The following PKIB variants were observed in gnomAD, a reference collection of about 807,000 sequenced individuals.
PKIB encodes PKI-beta.
A neutral mutation model predicts 4.5 loss-of-function variants in PKIB; 2 were observed. The observed-to-expected ratio is 0.44, with a 90% CI of 0.18 to 1.39. The LOEUF is 1.39. Among genes scored for constraint, PKIB ranks in the 40% most tolerant of loss-of-function variants. The pLI, the probability that PKIB is intolerant of heterozygous loss-of-function variation, is 0.27. For missense variants in PKIB, 94 were observed against 92.6 expected (o/e 1.02, Z -0.06); for synonymous variants, 38 against 36.0 (o/e 1.06, Z -0.20).
chr6:122,572,365 G>T (rs575488083), intron 2 of PKIB, among the ~76,000 whole-genome samples: 1 of 152,008 alleles, frequency 6.6e-6, no homozygotes, highest in African/African-American at 2.4e-5. Context: ...TAAATAATCT[G>T]CATTTGAATA....
intron 3 of PKIB, among the ~76,000 whole-genome samples, chr6:122,591,321 GT>G (rs957016587): frequency 1.3e-5 from 2 of 151,904 alleles, no homozygotes; most frequent in Non-Finnish European, 2.9e-5. Flanking sequence ...CTGATTTTCA[GT>G]TTTTTTGCAT....
intron 1 of PKIB, among the ~76,000 whole-genome samples, chr6:122,619,368 T>C (rs1025367113): frequency 1.1e-4 from 16 of 152,306 alleles, no homozygotes; most frequent in South Asian, 4.1e-4. Context: ...GCAGTTATTT[T>C]AGTAAGAAAT....
intron 2 of PKIB, among the ~76,000 whole-genome samples, chr6:122,495,881 C>T (rs950894476): frequency 5.3e-5 from 8 of 152,104 alleles, no homozygotes; most frequent in African/African-American, 1.7e-4. Flanking sequence ...TATTGTGGTC[C>T]AGAGTGGTCC....
chr6:122,568,502 A>G (rs1217967946), intron 2 of PKIB, among the ~76,000 whole-genome samples: 3 of 152,218 alleles, frequency 2.0e-5, no homozygotes, highest in African/African-American at 7.2e-5. Context: ...CAGAGCTGGA[A>G]CAAATTGAGG....
chr6:122,602,635 C>A (rs1774405954), intron 3 of PKIB, among the ~76,000 whole-genome samples: 2 of 151,988 alleles, frequency 1.3e-5, no homozygotes, highest in Admixed American at 1.3e-4. Context: ...GGTAAGTTGG[C>A]CAGGCGTGGT....
chr6:122,615,136 G>A (rs563251296), intron 1 of PKIB, among the ~76,000 whole-genome samples: 1 of 152,232 alleles, frequency 6.6e-6, no homozygotes, highest in South Asian at 2.1e-4. Context: ...TTGAAGAAGG[G>A]TGTCTATGAT....
chr6:122,608,547 T>C (rs992938574), upstream of PKIB, among the ~76,000 whole-genome samples: 1 of 152,238 alleles, frequency 6.6e-6, no homozygotes, highest in Non-Finnish European at 1.5e-5. Flanking sequence ...AAATCTTAAA[T>C]CTAAATAGAC....
chr6:122,471,991 A>G, exon 1 of PKIB: 1 of 853,576 alleles, frequency 1.2e-6, no homozygotes, highest in Non-Finnish European at 1.7e-6. Context: ...GCTGGCTGGA[A>G]ACTTAACGGC....
chr6:122,536,147 C>T (rs9388087), intron 2 of PKIB, among the ~76,000 whole-genome samples: 20,038 of 152,024 alleles, frequency 0.13, 1,423 homozygotes, highest in East Asian at 0.21. Flanking sequence ...ACCATGGTAG[C>T]CAGGCTGGTC....
chr6:122,648,013 A>T (rs1776394111), intron 2 of PKIB, among the ~76,000 whole-genome samples: 1 of 152,240 alleles, frequency 6.6e-6, no homozygotes, highest in Non-Finnish European at 1.5e-5. Flanking sequence ...TGTGTTTCAG[A>T]CAGGCTCATC....
At chr6:122,576,721 T>G (rs1466774887) in intron 2 of PKIB, among the ~76,000 whole-genome samples, 7 of 140,892 alleles carry the variant, frequency 5.0e-5, no homozygotes, top group Non-Finnish European at 1.1e-4. Flanking sequence ...TTTTCTTTTG[T>G]ATAATTATAC....
At chr6:122,714,916 C>A (rs1779418593) in intron 3 of PKIB, among the ~76,000 whole-genome samples, 2 of 152,092 alleles carry the variant, frequency 1.3e-5, no homozygotes, top group South Asian at 4.2e-4. Flanking sequence ...TCCTGAGTAG[C>A]TGGGATCACA....
chr6:122,611,015 G>A (rs1363576672), intron 1 of PKIB, among the ~76,000 whole-genome samples: 1 of 152,258 alleles, frequency 6.6e-6, no homozygotes, highest in Non-Finnish European at 1.5e-5. Flanking sequence ...CTTTAGCCAA[G>A]TCACCTCACC....
intron 2 of PKIB, among the ~76,000 whole-genome samples, chr6:122,495,592 G>A (rs916001829): frequency 5.3e-5 from 8 of 152,106 alleles, no homozygotes; most frequent in South Asian, 2.1e-4. Flanking sequence ...CTGGGGCCTC[G>A]GAACTGGGGA....
At chr6:122,555,169 T>G (rs1411611461) in intron 2 of PKIB, among the ~76,000 whole-genome samples, 1 of 152,126 alleles carries the variant, frequency 6.6e-6, no homozygotes, top group East Asian at 1.9e-4. Flanking sequence ...TCCACTGGTT[T>G]GGGGGAATAA....
intron 2 of PKIB, among the ~76,000 whole-genome samples, chr6:122,642,180 C>G (rs1026787926): frequency 6.6e-6 from 1 of 152,234 alleles, no homozygotes; most frequent in South Asian, 2.1e-4. Flanking sequence ...TAGAGCAGAG[C>G]TCTTTGAACC....
chr6:122,610,307 G>A (rs1774694541), upstream of PKIB: 1 of 152,314 alleles, frequency 6.6e-6, no homozygotes, highest in Admixed American at 6.5e-5. Context: ...GACACCGCCT[G>A]GGGAGCCGCG....
At chr6:122,517,441 G>A (rs1228587529) in intron 2 of PKIB, among the ~76,000 whole-genome samples, 2 of 152,164 alleles carry the variant, frequency 1.3e-5, no homozygotes, top group Non-Finnish European at 2.9e-5. Flanking sequence ...AGAATAAAAT[G>A]TCACCTTTGC....
At chr6:122,718,543 ACAAAACAAAACCCT>A (rs1338866058) in intron 4 of PKIB, among the ~76,000 whole-genome samples, 1 of 152,236 alleles carries the variant, frequency 6.6e-6, no homozygotes, top group Non-Finnish European at 1.5e-5. Flanking sequence ...ATTTAAAAAA[ACAAAACAAAACCCT>A]GAATCAAAGT....
Sources: allele counts gnomAD v4.1 joint callset (sites outside exome capture counted in the v4.1 genomes callset), GRCh38; gene constraint gnomAD v4.1.1; transcripts MANE v1.5; gene names NCBI Gene and HGNC (gene_info 2026-07-23, HGNC 2026-07-21).